UHRF2: variants seen among roughly 807,000 people sequenced by gnomAD.
The protein encoded by UHRF2 is E3 ubiquitin-protein ligase UHRF2.
In UHRF2, 23 loss-of-function variants were observed where a neutral mutation model predicts 96.8. The ratio of observed to expected loss-of-function variants is 0.24; its 90% confidence interval spans 0.17 to 0.34. The LOEUF (loss-of-function observed/expected upper bound fraction) is 0.34, where lower values mean the gene tolerates loss of function less well. Ranked by LOEUF, UHRF2 falls within the 10% of genes least tolerant of loss-of-function variation. The pLI, the probability that UHRF2 is intolerant of heterozygous loss-of-function variation, is 1.00. For synonymous variants in UHRF2, 385 were observed against 332.6 expected (o/e 1.16, Z -1.72); for missense variants, 685 against 981.5 (o/e 0.70, Z 4.04).
intron 4 of UHRF2, among the ~76,000 whole-genome samples, chr9:6,469,613 C>G (rs1823092781): frequency 6.7e-6 from 1 of 149,116 alleles, no homozygotes; most frequent in African/African-American, 2.6e-5. Context: ...ACTACCCATA[C>G]TGAAACATGT....
At chr9:6,470,807 T>G (rs1202381426) in intron 4 of UHRF2, among the ~76,000 whole-genome samples, 1 of 152,024 alleles carries the variant, frequency 6.6e-6, no homozygotes, top group African/African-American at 2.4e-5. Flanking sequence ...TTTTAACAAA[T>G]TAACACACTG....
intron 5 of UHRF2, among the ~76,000 whole-genome samples, chr9:6,476,843 C>G (rs1315804012): frequency 6.6e-6 from 1 of 152,118 alleles, no homozygotes; most frequent in Admixed American, 6.6e-5. Flanking sequence ...TCCGCCCAAC[C>G]CAGCCTCCTA....
chr9:6,445,972 C>CA lies in UHRF2; in HGVS notation c.644+11799_644+11800insA, dbSNP rs753469018. Among the ~76,000 whole-genome samples, 1,007 of 121,080 alleles carry CA rather than the reference C, an allele frequency of 8.3e-3. 23 individuals carry two copies. The highest frequency in any genetic ancestry group is 0.013 in the Non-Finnish European group (797 of 59,488). The allele number at this position is 121,080 out of a possible 152,430, so 79.4% of individuals were successfully genotyped here. ...TTGTTTTGGTAAATACTCTTCCCCC[C>CA]CCGCCACCCTTTTTTTTTTTTTTTT... On this transcript the variant is annotated intron_variant, in intron 3 of 15. Coordinates refer to ENST00000276893, the MANE Select transcript of UHRF2 (RefSeq NM_152896.3).
intron 8 of UHRF2, among the ~76,000 whole-genome samples, chr9:6,483,794 A>T (rs111746231): frequency 6.6e-6 from 1 of 151,998 alleles, no homozygotes; most frequent in Non-Finnish European, 1.5e-5. Context: ...GGTTCAAGCA[A>T]TTCTCCTGCC....
intron 6 of UHRF2, among the ~76,000 whole-genome samples, chr9:6,478,372 C>T (rs1292951027): frequency 2.0e-5 from 3 of 152,166 alleles, no homozygotes; most frequent in African/African-American, 7.2e-5. Context: ...GGTCCTCTAC[C>T]CCTAACCATG....
chr9:6,450,276 A>C (rs1039854825), intron 3 of UHRF2, among the ~76,000 whole-genome samples: 5 of 151,480 alleles, frequency 3.3e-5, no homozygotes, highest in Non-Finnish European at 5.9e-5. Flanking sequence ...TTTAGTTGGT[A>C]AGTCTCTATC....
At chr9:6,456,172 T>C (rs905535755) in intron 3 of UHRF2, among the ~76,000 whole-genome samples, 9 of 152,234 alleles carry the variant, frequency 5.9e-5, no homozygotes, top group Non-Finnish European at 1.2e-4. Flanking sequence ...TCTAGAGAGC[T>C]GGCTACATGT....
intron 4 of UHRF2, among the ~76,000 whole-genome samples, chr9:6,464,513 T>A (rs1005936030): frequency 6.6e-6 from 1 of 152,216 alleles, no homozygotes; most frequent in Non-Finnish European, 1.5e-5. Flanking sequence ...GATACTCTTG[T>A]ATTACCTTCT....
rs1816604744 is a variant in UHRF2 at position 6,506,773 on chromosome 9, G to A, written c.*594G>A. ...TGCAAGTTGACTACTAATGACTAATGAGAACAATAATGAATGCATTGTTGC... is the reference window on the plus strand; with the variant it reads ...TGCAAGTTGACTACTAATGACTAATAAGAACAATAATGAATGCATTGTTGC... On this transcript the variant is annotated 3_prime_UTR_variant, in exon 16 of 16. Coordinates refer to ENST00000276893, the MANE Select transcript of UHRF2 (RefSeq NM_152896.3). The A allele has an allele frequency of 6.5e-6, 1 of 152,690 alleles. No homozygotes were observed. Among genetic ancestry groups the A allele is most frequent in the Non-Finnish European group, 1.5e-5 (1 of 68,100 alleles). 9.5% of individuals were successfully genotyped at this position (152,690 alleles called of 1,614,324 possible).
At chr9:6,448,297 TGGAA>T (rs1821641660) in intron 3 of UHRF2, among the ~76,000 whole-genome samples, 2 of 152,142 alleles carry the variant, frequency 1.3e-5, no homozygotes, top group Non-Finnish European at 2.9e-5. Flanking sequence ...AACACAGTTG[TGGAA>T]GGAAGGAAAT....
chr9:6,479,632 A>C (rs1047274496), intron 6 of UHRF2, among the ~76,000 whole-genome samples: 1 of 152,142 alleles, frequency 6.6e-6, no homozygotes, highest in African/African-American at 2.4e-5. Context: ...TCCTGTATGC[A>C]GTTGGTTAGT....
intron 4 of UHRF2, chr9:6,468,470 C>G (rs1330506166): frequency 4.4e-6 from 2 of 455,950 alleles, no homozygotes; most frequent in Non-Finnish European, 8.8e-6. Flanking sequence ...GCGGGTATGT[C>G]TCTGGAGAGG....
At position 6,481,709 on chromosome 9, in the gene UHRF2, T is replaced by C. The variant is rs1823939945; in HGVS notation, c.1227T>C (p.Ser409=). 1 of 1,613,560 alleles carries C rather than the reference T, an allele frequency of 6.2e-7. No homozygotes were observed. Residue 409 remains serine, a synonymous_variant, in exon 7 of 16, where the codon AGT becomes AGC. Transcript: ENST00000276893. ...VVKAGERLKM[S]KKKAKMPSAS... ...AGGCTGGTGAAAGACTCAAGATGAG[T>C]AAAAAGAAAGCAAAGATGCCGTCAG...
At chr9:6,450,808 G>A (rs1044722457) in intron 3 of UHRF2, among the ~76,000 whole-genome samples, 2 of 152,112 alleles carry the variant, frequency 1.3e-5, no homozygotes, top group South Asian at 4.1e-4. Flanking sequence ...TTTGTGTTCA[G>A]GTATAACAGA....
At chr9:6,443,289 A>G (rs972092191) in intron 3 of UHRF2, among the ~76,000 whole-genome samples, 11 of 152,196 alleles carry the variant, frequency 7.2e-5, no homozygotes, top group Admixed American at 7.2e-4. Flanking sequence ...GCCAAGCAGT[A>G]TACAGATACT....
intron 2 of UHRF2, among the ~76,000 whole-genome samples, chr9:6,425,273 G>A (rs981560969): frequency 6.6e-6 from 1 of 152,148 alleles, no homozygotes; most frequent in Non-Finnish European, 1.5e-5. Context: ...TCCACTTTTG[G>A]CCTTTAGAAA....
intron 1 of UHRF2, among the ~76,000 whole-genome samples, chr9:6,416,377 C>A (rs1013495411): frequency 6.6e-6 from 1 of 151,090 alleles, no homozygotes; most frequent in Admixed American, 6.6e-5. Context: ...CTTGACTCCA[C>A]ATTTGAGGGT....
rs1823435988 is a variant in UHRF2, at chr9:6,474,408, A to T, written c.864-983A>T. On this transcript the variant is annotated intron_variant, in intron 4 of 15. Transcript: ENST00000276893. ...TAGCTAATAAAGCAAAAGCCAACAG[A>T]TTAAAAGGAGAAATGGGCTGGGTGT... 2.0e-5 allele frequency among the ~76,000 whole-genome samples: 3 copies of T among 152,316 alleles called. No homozygotes were observed. In the South Asian group the frequency reaches 6.2e-4, roughly 32 times the overall value.
intron 3 of UHRF2, among the ~76,000 whole-genome samples, chr9:6,451,256 G>A (rs1263748667): frequency 6.6e-5 from 10 of 152,036 alleles, no homozygotes; most frequent in Non-Finnish European, 1.3e-4. Context: ...ACTTGTAATT[G>A]TTTATCCTGG....
Sources: allele counts gnomAD v4.1 joint callset (sites outside exome capture counted in the v4.1 genomes callset), GRCh38; gene constraint gnomAD v4.1.1; transcripts MANE v1.5; gene names NCBI Gene and HGNC (gene_info 2026-07-23, HGNC 2026-07-21).